The following ZNF568 variants were observed in gnomAD, a reference collection of about 807,000 sequenced individuals.
The protein encoded by ZNF568 is p53 inhibitor of SCO2 activation.
A neutral mutation model predicts 18.1 loss-of-function variants in ZNF568; 11 were observed. That is an observed-to-expected ratio of 0.61 (90% CI 0.38 to 1.00). ZNF568 has a LOEUF of 1.00. Among genes scored for constraint, ZNF568 ranks in the 50% least tolerant of loss-of-function variants. The probability of loss-of-function intolerance (pLI) is 0.01; values close to 1 mark genes in which losing one functional copy is unlikely to be tolerated. For missense variants in ZNF568, 639 were observed against 768.2 expected (o/e 0.83, Z 1.99); for synonymous variants, 213 against 246.6 (o/e 0.86, Z 1.28).
chr19:36,936,393 G>T (rs754616065), intron 4 of ZNF568, among the ~76,000 whole-genome samples: 9 of 150,840 alleles, frequency 6.0e-5, no homozygotes, highest in Non-Finnish European at 1.0e-4. Flanking sequence ...TGTTTGTGTT[G>T]ATTCAAGTTC....
downstream of ZNF568, among the ~76,000 whole-genome samples, chr19:36,981,995 T>A (rs186696429): frequency 1.3e-5 from 2 of 152,196 alleles, no homozygotes; most frequent in Non-Finnish European, 2.9e-5. Context: ...TTTTGAGATA[T>A]TGATTTTATA....
Position 36,950,969 on chromosome 19 carries a change from A to C in ZNF568, c.1816A>C (p.Arg606=), listed in dbSNP as rs2074051943. The change falls in exon 7 of 7, where the codon AGA becomes CGA. Residue 606 remains arginine, a synonymous_variant. Transcript: ENST00000333987. The part of the protein sequence containing the change: ...SQCSLLIIHM[R]SHTGEKPFEC... ...GTGCTCATTACTTATTATACATATG[A>C]GAAGTCATACTGGTGAGAAACCCTT... is the stretch of plus-strand genomic sequence containing the variant. 2.5e-6 allele frequency: 4 copies of C among 1,613,810 alleles called. No homozygotes were observed. Among genetic ancestry groups the C allele is most frequent in the Non-Finnish European group, 3.4e-6 (4 of 1,179,918 alleles).
intron 6 of ZNF568, among the ~76,000 whole-genome samples, chr19:36,944,126 C>T (rs926323554): frequency 6.0e-5 from 9 of 151,022 alleles, no homozygotes; most frequent in East Asian, 2.0e-4. Context: ...AGGCCAGTCA[C>T]GGTGGCTCAT....
intron 2 of ZNF568, 137 bp from the exon 3 acceptor site, chr19:36,922,449 G>A (rs73039188): frequency 0.26 from 58,919 of 225,942 alleles, 8,956 homozygotes; most frequent in Non-Finnish European, 0.33. Flanking sequence ...CAGGTCAAAG[G>A]TACTCATGGT....
At chr19:36,994,986 C>G (rs1385953988) in intron 4 of ZNF568, among the ~76,000 whole-genome samples, 1 of 152,030 alleles carries the variant, frequency 6.6e-6, no homozygotes. Context: ...CAATTTTTGT[C>G]TTAAAGTTTA....
chr19:36,951,065 G>C lies in ZNF568; in HGVS notation c.1912G>C (p.Gly638Arg). ...SLSIHKRGHTGERHQVY is the reference protein window; with the variant it reads ...SLSIHKRGHTRERHQVY ...TTCTATACATAAGAGAGGTCATACA[G>C]GTGAGAGACACCAAGTATATTAAAT... Residue 638 changes from glycine to arginine, a missense_variant, in exon 7 of 7, where the codon GGT (glycine) becomes CGT (arginine). Physicochemically the swap from Gly to Arg is moderately radical, Grantham distance 125 (BLOSUM62 -2). Coordinates refer to ENST00000333987, the MANE Select transcript of ZNF568 (RefSeq NM_198539.4). The C allele has an allele frequency of 6.4e-7, 1 of 1,555,428 alleles. No individual in the cohort carries two copies. The highest frequency in any genetic ancestry group is 8.7e-7 in the Non-Finnish European group (1 of 1,155,968).
At chr19:36,965,603 C>T (rs1428691718) in intron 6 of ZNF568, among the ~76,000 whole-genome samples, 2 of 151,964 alleles carry the variant, frequency 1.3e-5, no homozygotes. Flanking sequence ...TTTTTTCTTG[C>T]CCGTAATGCT....
chr19:36,958,670 G>T (rs1235379295), intron 6 of ZNF568, among the ~76,000 whole-genome samples: 2 of 128,634 alleles, frequency 1.6e-5, no homozygotes, highest in Non-Finnish European at 3.1e-5. Flanking sequence ...CCAGGCTGGA[G>T]TACTGTGGCA....
At chr19:36,938,922 C>T (rs993623352) in intron 6 of ZNF568, among the ~76,000 whole-genome samples, 7 of 152,084 alleles carry the variant, frequency 4.6e-5, no homozygotes, top group African/African-American at 7.2e-5. Context: ...CTTGAAATGT[C>T]GTCATATAGA....
chr19:36,944,379 C>T (rs1030393397), intron 6 of ZNF568, among the ~76,000 whole-genome samples: 1 of 147,650 alleles, frequency 6.8e-6, no homozygotes, highest in African/African-American at 2.5e-5. Flanking sequence ...GCCTGGACAA[C>T]AAGAGCAAAA....
chr19:36,962,306 C>A (rs2074160277), intron 6 of ZNF568, among the ~76,000 whole-genome samples: 1 of 66,722 alleles, frequency 1.5e-5, no homozygotes, highest in Admixed American at 1.9e-4. Flanking sequence ...TTTTTGCTTC[C>A]AGGTTTAAGA....
At chr19:36,989,404 A>G (rs1208535118) in intron 2 of ZNF568, among the ~76,000 whole-genome samples, 1 of 152,050 alleles carries the variant, frequency 6.6e-6, no homozygotes, top group Non-Finnish European at 1.5e-5. Flanking sequence ...GCTGGTCTCA[A>G]ACTCCTGACC....
At chr19:36,956,803 G>T (rs1378935079), downstream of ZNF568, among the ~76,000 whole-genome samples, 1 of 151,876 alleles carries the variant, frequency 6.6e-6, no homozygotes, top group Non-Finnish European at 1.5e-5. Flanking sequence ...TCACTATGTT[G>T]GCTAGGCTGG....
chr19:36,949,792 T>C lies in ZNF568; in HGVS notation c.639T>C (p.His213=), dbSNP rs1182431300. ...ATGAGTTTGGGAAACCATTTTACCA[T>C]TGTGCATCCTATGTTGTAACCCCCT... ...QSNEFGKPFY[H]CASYVVTPFK... Residue 213 remains histidine, a synonymous_variant, in exon 7 of 7, where the codon CAT becomes CAC. Coordinates refer to ENST00000333987, the MANE Select transcript of ZNF568 (RefSeq NM_198539.4). 5 of 1,613,974 alleles carry C rather than the reference T, an allele frequency of 3.1e-6. No homozygotes were observed. In the South Asian group the frequency reaches 4.4e-5, roughly 14 times the overall value.
chr19:36,974,592 C>A, intron 7 of ZNF568: 1 of 955,232 alleles, frequency 1.0e-6, no homozygotes, highest in Non-Finnish European at 1.6e-6. Flanking sequence ...GAGGAAACTG[C>A]ATTTATGTAG....
downstream of ZNF568, among the ~76,000 whole-genome samples, chr19:36,954,226 A>G (rs1420799444): frequency 6.6e-6 from 1 of 152,206 alleles, no homozygotes; most frequent in African/African-American, 2.4e-5. Flanking sequence ...CTCTGCCTCA[A>G]AAAAATAAAA....
rs933457807 is a variant in ZNF568, at chr19:36,952,011, A to G, written c.*923A>G. 5.0e-6 allele frequency: 4 copies of G among 808,080 alleles called. No homozygotes were observed. The highest frequency in any genetic ancestry group is 5.9e-6 in the Non-Finnish European group (4 of 680,300). The allele number at this position is 808,080 out of a possible 1,614,324, so 50.1% of individuals were successfully genotyped here. A position where few individuals can be genotyped will look rare whatever the true frequency, so the allele number is the denominator to read the frequency against. On this transcript the variant is annotated 3_prime_UTR_variant, in exon 7 of 7. Transcript: ENST00000333987. ...AAACCATTGGGAGAAAATAGATGAT[A>G]TTGTCTATGACGTTGAGGCCAAGGA...
chr19:36,929,937 G>A lies in ZNF568; in HGVS notation c.135+4679G>A, dbSNP rs556961321. On this transcript the variant is annotated intron_variant, in intron 4 of 6. Transcript: ENST00000333987. Reference sequence around the variant, plus strand: ...ATTGCCTCTTGCCAGGGGCAGAAGCGTGTTCATGTTTTTTTTTTTTTTTGG... The same window carrying A: ...ATTGCCTCTTGCCAGGGGCAGAAGCATGTTCATGTTTTTTTTTTTTTTTGG... Among the ~76,000 whole-genome samples, 4 of 104,550 alleles carry A rather than the reference G, an allele frequency of 3.8e-5. No homozygotes were observed. The South Asian group carries it at 8.4e-4, about 22-fold the overall frequency. 68.6% of individuals were successfully genotyped at this position (104,550 alleles called of 152,430 possible). A position where few individuals can be genotyped will look rare whatever the true frequency, so the allele number is the denominator to read the frequency against.
At chr19:36,924,974 T>C (rs748312546) in intron 3 of ZNF568, among the ~76,000 whole-genome samples, 8 of 152,154 alleles carry the variant, frequency 5.3e-5, no homozygotes, top group Admixed American at 1.3e-4. Context: ...AATAGATTCA[T>C]TGGGCACTGC....
Sources: allele counts gnomAD v4.1 joint callset (sites outside exome capture counted in the v4.1 genomes callset), GRCh38; gene constraint gnomAD v4.1.1; transcripts MANE v1.5; gene names NCBI Gene and HGNC (gene_info 2026-07-23, HGNC 2026-07-21).